Variants in DHRSX observed in about 807,000 individuals in gnomAD.
DHRSX encodes dehydrogenase/reductase X-linked, also known as polyprenol dehydrogenase.
In DHRSX, 31 loss-of-function variants were observed where a neutral mutation model predicts 34.0. The ratio of observed to expected loss-of-function variants is 0.91; its 90% CI spans 0.69 to 1.23. The LOEUF is 1.23. Among genes scored for constraint, DHRSX ranks in the 50% most tolerant of loss-of-function variants. DHRSX has a pLI of 0.00. For missense variants in DHRSX, 414 were observed against 428.1 expected (o/e 0.97, Z 0.29); for synonymous variants, 201 against 183.8 (o/e 1.09, Z -0.76).
At chrX:2,433,014 G>C (rs1194614753) in intron 1 of DHRSX, among the ~76,000 whole-genome samples, 1 of 151,966 alleles carries the variant, frequency 6.6e-6, no homozygotes, top group Admixed American at 6.6e-5. Context: ...GTTCCAGCAA[G>C]CTGGGAGGCT....
intron 1 of DHRSX, chrX:2,490,018 C>G: frequency 6.2e-7 from 1 of 1,613,878 alleles, no homozygotes; most frequent in Non-Finnish European, 8.5e-7. Flanking sequence ...CCTCGAAGGT[C>G]TTCAGGCAGC....
intron 1 of DHRSX, among the ~76,000 whole-genome samples, chrX:2,432,203 A>T (rs191945780): frequency 0.016 from 2,441 of 152,044 alleles, 47 homozygotes; most frequent in African/African-American, 0.039. Context: ...CAAAAAAAAA[A>T]TTTTTTTTAA....
In DHRSX at chrX:2,349,332, C is replaced by G. The variant is rs192891336; in HGVS notation, c.287-57729G>C. 5.0e-3 allele frequency among the ~76,000 whole-genome samples: 719 copies of G among 143,406 alleles called. 6 individuals are homozygous for G. Among genetic ancestry groups the G allele is most frequent in the African/African-American group, 0.019 (688 of 36,526 alleles). 94.1% of individuals were successfully genotyped at this position (143,406 alleles called of 152,430 possible). ...GCCTGGCGACAGACTGACACTCCGT[C>G]TCAAACAAAAAAAAAAGAAAATGCG... On this transcript the variant is annotated intron_variant, in intron 3 of 6. Coordinates refer to ENST00000334651, the MANE Select transcript of DHRSX (RefSeq NM_145177.3).
At position 2,301,596 on chromosome X, in the gene DHRSX, G is replaced by A. The variant is rs748648314; in HGVS notation, c.287-9993C>T. Among the ~76,000 whole-genome samples, 5 of 152,214 alleles carry A rather than the reference G, an allele frequency of 3.3e-5. No homozygotes were observed. The South Asian group carries it at 1.0e-3, about 32-fold the overall frequency. The stretch of plus-strand genomic sequence containing the variant: ...AGCATTCTGGTCTTTGTATGATCAC[G>A]GCTGGTTGCGCTGCAGGAGCACGCC... On this transcript the variant is annotated intron_variant, in intron 3 of 6. Coordinates refer to ENST00000334651, the MANE Select transcript of DHRSX (RefSeq NM_145177.3).
At chrX:2,286,418 G>C (rs2041805706) in intron 4 of DHRSX, among the ~76,000 whole-genome samples, 2 of 152,188 alleles carry the variant, frequency 1.3e-5, no homozygotes, top group Non-Finnish European at 1.5e-5. Context: ...AGCATAGACT[G>C]TGCCATCTGG....
At chrX:2,327,591 CA>C (rs201003606) in intron 3 of DHRSX, among the ~76,000 whole-genome samples, 9,100 of 152,156 alleles carry the variant, frequency 0.06, 915 homozygotes, top group African/African-American at 0.21. Context: ...AAGCCATTGT[CA>C]GCACAAAGTC....
At chrX:2,386,180 T>C (rs919766671) in intron 3 of DHRSX, among the ~76,000 whole-genome samples, 3 of 150,640 alleles carry the variant, frequency 2.0e-5, no homozygotes, top group Non-Finnish European at 3.0e-5. Flanking sequence ...TATTTATTTA[T>C]TTATTTATTT....
chrX:2,414,990 C>A (rs2043675835), intron 2 of DHRSX, among the ~76,000 whole-genome samples: 1 of 151,840 alleles, frequency 6.6e-6, no homozygotes, highest in African/African-American at 2.4e-5. Context: ...TAGATCTCAT[C>A]ACGACCTACC....
intron 3 of DHRSX, among the ~76,000 whole-genome samples, chrX:2,357,116 C>A (rs1257584010): frequency 6.6e-6 from 1 of 151,884 alleles, no homozygotes; most frequent in Non-Finnish European, 1.5e-5. Flanking sequence ...TGGTGGCGTG[C>A]GCCTGTAATG....
At chrX:2,445,803 C>G (rs1312216803) in intron 1 of DHRSX, among the ~76,000 whole-genome samples, 2 of 151,710 alleles carry the variant, frequency 1.3e-5, no homozygotes, top group African/African-American at 4.8e-5. Context: ...AAGATGTTCT[C>G]TAGGCATGTG....
chrX:2,294,747 A>G (rs2041910132), intron 3 of DHRSX, among the ~76,000 whole-genome samples: 3 of 151,100 alleles, frequency 2.0e-5, no homozygotes. Flanking sequence ...AGAAAAGAAG[A>G]CAAAGAGAGA....
chrX:2,457,891 C>T (rs1237053915), intron 1 of DHRSX, among the ~76,000 whole-genome samples: 17 of 151,666 alleles, frequency 1.1e-4, no homozygotes, highest in Admixed American at 1.1e-3. Flanking sequence ...AGCCAAGAGA[C>T]GGCAGGGAAT....
intron 3 of DHRSX, among the ~76,000 whole-genome samples, chrX:2,305,788 A>C (rs1398974282): frequency 6.6e-6 from 1 of 151,022 alleles, no homozygotes; most frequent in Non-Finnish European, 1.5e-5. Context: ...GGAGTTGAGC[A>C]ATGAGAACAC....
intron 5 of DHRSX, among the ~76,000 whole-genome samples, chrX:2,243,803 T>G (rs1382510057): frequency 6.5e-4 from 53 of 81,948 alleles, no homozygotes; most frequent in African/African-American, 8.4e-4. Flanking sequence ...TTTTTTTTTT[T>G]TTTTTTTTTT....
At chrX:2,375,511 T>C (rs900589735) in intron 3 of DHRSX, among the ~76,000 whole-genome samples, 4 of 137,598 alleles carry the variant, frequency 2.9e-5, no homozygotes, top group African/African-American at 9.8e-5. Flanking sequence ...TAGGGGAGAA[T>C]CCTCAGCTAC....
chrX:2,266,229 AGCACCG>A (rs2041467248), intron 5 of DHRSX, among the ~76,000 whole-genome samples: 1 of 139,712 alleles, frequency 7.2e-6, no homozygotes, highest in African/African-American at 2.9e-5. Context: ...CTGTCCCCAG[AGCACCG>A]GTGTCCAGCA....
chrX:2,266,976 T>C (rs1265407506), intron 4 of DHRSX, 29 bp from the exon 5 acceptor site: 3 of 1,609,068 alleles, frequency 1.9e-6, no homozygotes, highest in African/African-American at 1.3e-5. Flanking sequence ...CAGAAGGAGT[T>C]AGACTGGGGA....
intron 1 of DHRSX, among the ~76,000 whole-genome samples, chrX:2,453,388 T>G (rs774540009): frequency 4.4e-4 from 66 of 150,946 alleles, no homozygotes; most frequent in African/African-American, 1.5e-3. Context: ...AAACAAAAAA[T>G]TAGCTGGGTA....
At chrX:2,411,953 C>T (rs1358539888) in intron 2 of DHRSX, among the ~76,000 whole-genome samples, 1 of 152,156 alleles carries the variant, frequency 6.6e-6, no homozygotes, top group Non-Finnish European at 1.5e-5. Context: ...GACAGAAGCA[C>T]CACACTGGAG....
Sources: allele counts gnomAD v4.1 joint callset (sites outside exome capture counted in the v4.1 genomes callset), GRCh38; gene constraint gnomAD v4.1.1; transcripts MANE v1.5; gene names NCBI Gene and HGNC (gene_info 2026-07-23, HGNC 2026-07-21).